The following SLC35A3 variants were observed in gnomAD, a reference collection of about 807,000 sequenced individuals.
SLC35A3 encodes solute carrier family 35 member A3.
In SLC35A3, 26 loss-of-function variants were observed where a neutral mutation model predicts 39.0. The observed-to-expected ratio is 0.67, with a 90% CI of 0.49 to 0.92. SLC35A3 has a LOEUF of 0.92. Among genes scored for constraint, SLC35A3 ranks in the 40% least tolerant of loss-of-function variants. The pLI, the probability that SLC35A3 is intolerant of heterozygous loss-of-function variation, is 0.00. For missense variants in SLC35A3, 299 were observed against 371.6 expected, an observed-to-expected ratio of 0.80 and a Z score of 1.61; for synonymous variants, 135 against 133.1, an observed-to-expected ratio of 1.01 and a Z score of -0.10.
chr1:99,999,770 C>G (rs1403721077), intron 3 of SLC35A3, among the ~76,000 whole-genome samples: 1 of 151,818 alleles, frequency 6.6e-6, no homozygotes, highest in African/African-American at 2.4e-5. Flanking sequence ...CCTCTGGTAG[C>G]TATCATTCTG....
chr1:99,986,099 G>A (rs921996489), intron 1 of SLC35A3, among the ~76,000 whole-genome samples: 1 of 151,146 alleles, frequency 6.6e-6, no homozygotes, highest in Non-Finnish European at 1.5e-5. Flanking sequence ...AGGCAGAATA[G>A]TAAATTAAAT....
In SLC35A3 at chr1:99,987,467, G is replaced by A. The variant is rs570995921; in HGVS notation, c.-18-6070G>A. On this transcript the variant is annotated intron_variant, in intron 1 of 7. Transcript: ENST00000533028. ...TATGTATATTTAATAGTGAGTATACGTATTTTACCATTAAAAATTTTATCC... is the reference window on the plus strand; with the variant it reads ...TATGTATATTTAATAGTGAGTATACATATTTTACCATTAAAAATTTTATCC... Among the ~76,000 whole-genome samples, 31 of 152,044 alleles carry A rather than the reference G, an allele frequency of 2.0e-4. No homozygotes were observed. The South Asian group carries it at 3.9e-3, about 19-fold the overall frequency.
intron 1 of SLC35A3, among the ~76,000 whole-genome samples, chr1:99,983,464 G>A (rs141635965): frequency 0.07 from 10,627 of 151,170 alleles, 403 homozygotes; most frequent in South Asian, 0.12. Flanking sequence ...TCTTGAAACC[G>A]GGAGGCAGAG....
chr1:99,986,910 T>C (rs981012461), intron 1 of SLC35A3, among the ~76,000 whole-genome samples: 2 of 152,206 alleles, frequency 1.3e-5, no homozygotes, highest in Admixed American at 6.5e-5. Context: ...TGAAAAGAAG[T>C]TAGAGCATTG....
rs1332867445 is a variant in SLC35A3, at chr1:100,033,682, T to A, written c.*11206T>A. ...TTTGACACCTTTAAATGATGTTCTT[T>A]GACTCTTATCTAATTGTCTATGTGA... On this transcript the variant is annotated 3_prime_UTR_variant, in exon 8 of 8. Transcript: ENST00000533028. 6.6e-6 allele frequency: 1 copy of A among 152,212 alleles called. No individual in the cohort carries two copies. Among genetic ancestry groups the A allele is most frequent in the Admixed American group, 6.5e-5 (1 of 15,288 alleles). The allele number at this position is 152,212 out of a possible 1,614,324, so 9.4% of individuals were successfully genotyped here.
chr1:99,988,779 T>C (rs959905981), intron 1 of SLC35A3, among the ~76,000 whole-genome samples: 2 of 151,818 alleles, frequency 1.3e-5, no homozygotes, highest in African/African-American at 2.4e-5. Context: ...CTATACTCTT[T>C]TTATTTGAGA....
chr1:100,022,002 A>G (rs773532863), intron 7 of SLC35A3, among the ~76,000 whole-genome samples: 17 of 152,264 alleles, frequency 1.1e-4, no homozygotes, highest in Non-Finnish European at 2.4e-4. Context: ...GGTGAAATAC[A>G]GAACTTAAAA....
At chr1:99,993,823 C>A in intron 2 of SLC35A3, 82 bp downstream of exon 2, 1 of 1,235,368 alleles carries the variant, frequency 8.1e-7, no homozygotes, top group Non-Finnish European at 1.2e-6. Flanking sequence ...CATTTGCACT[C>A]TTGCATTGTC....
chr1:100,032,454 A>T lies in SLC35A3; in HGVS notation c.*9978A>T, dbSNP rs1258465721. On this transcript the variant is annotated 3_prime_UTR_variant, in exon 8 of 8. Transcript: ENST00000533028. ...ACCATGTCTTCATGAATTTAAAAAAAATTACTCAATATATTATAGCCAATC... is the reference window on the plus strand; with the variant it reads ...ACCATGTCTTCATGAATTTAAAAAATATTACTCAATATATTATAGCCAATC... 6.6e-6 allele frequency: 1 copy of T among 152,204 alleles called. No homozygotes were observed. Among genetic ancestry groups the T allele is most frequent in the Non-Finnish European group, 1.5e-5 (1 of 68,034 alleles). The allele number at this position is 152,204 out of a possible 1,614,324, so 9.4% of individuals were successfully genotyped here. A position where few individuals can be genotyped will look rare whatever the true frequency, so the allele number is the denominator to read the frequency against.
rs1660803527 is a variant in SLC35A3, at chr1:100,024,720, G to A, written c.*2244G>A. The A allele has an allele frequency of 7.6e-6, 3 of 394,744 alleles. No homozygotes were observed. The Admixed American group carries it at 1.3e-4, about 18-fold the overall frequency. The allele number at this position is 394,744 out of a possible 1,614,324, so 24.5% of individuals were successfully genotyped here. A position where few individuals can be genotyped will look rare whatever the true frequency, so the allele number is the denominator to read the frequency against. On this transcript the variant is annotated 3_prime_UTR_variant, in exon 8 of 8. Transcript: ENST00000533028. ...TGCAACCTCCCACTCCCTGGTTCAA[G>A]GGATTCTCCTGCCTCAGCCTCTGAG...
At chr1:99,986,454 A>G (rs1255498191) in intron 1 of SLC35A3, among the ~76,000 whole-genome samples, 1 of 152,068 alleles carries the variant, frequency 6.6e-6, no homozygotes, top group East Asian at 1.9e-4. Context: ...ACTTTTAAAA[A>G]CATACATTAT....
intron 2 of SLC35A3, 45 bp from the exon 3 acceptor site, chr1:99,999,216 A>T (rs1658602384): frequency 2.4e-6 from 3 of 1,270,014 alleles, no homozygotes; most frequent in East Asian, 5.1e-5. Flanking sequence ...TATGTAACTT[A>T]TTCAGAGTTA....
At position 100,029,067 on chromosome 1, in the gene SLC35A3, G is replaced by A. The variant is rs991255070; in HGVS notation, c.*6591G>A. 4 of 152,170 alleles carry A rather than the reference G, an allele frequency of 2.6e-5. No individual in the cohort carries two copies. The highest frequency in any genetic ancestry group is 9.7e-5 in the African/African-American group (4 of 41,440). The allele number at this position is 152,170 out of a possible 1,614,324, so 9.4% of individuals were successfully genotyped here. ...TTCAGGGAAGCTCACCTAAGCTTTG[G>A]TGTCCAGATTTTTATTGAGAGAGGC... On this transcript the variant is annotated 3_prime_UTR_variant, in exon 8 of 8. Coordinates refer to ENST00000533028, the MANE Select transcript of SLC35A3 (RefSeq NM_012243.3).
In SLC35A3 at chr1:100,027,122, T is replaced by A; in HGVS notation, c.*4646T>A. ...GTATCTCTATCACTGTCACATGTGATCTTTCTTCCTTTTCTCTAGCCCATA... is the reference window on the plus strand; with the variant it reads ...GTATCTCTATCACTGTCACATGTGAACTTTCTTCCTTTTCTCTAGCCCATA... On this transcript the variant is annotated 3_prime_UTR_variant, in exon 8 of 8. Coordinates refer to ENST00000533028, the MANE Select transcript of SLC35A3 (RefSeq NM_012243.3). 2.5e-6 allele frequency: 1 copy of A among 398,588 alleles called. No homozygotes were observed. The highest frequency in any genetic ancestry group is 4.4e-6 in the Non-Finnish European group (1 of 226,050). The allele number at this position is 398,588 out of a possible 1,614,324, so 24.7% of individuals were successfully genotyped here.
At chr1:99,971,346 G>A (rs1367927143) in intron 1 of SLC35A3, among the ~76,000 whole-genome samples, 3 of 149,802 alleles carry the variant, frequency 2.0e-5, no homozygotes, top group South Asian at 2.1e-4. Context: ...TCGCTCTGTC[G>A]CCCAGGCTGG....
intron 1 of SLC35A3, among the ~76,000 whole-genome samples, chr1:99,991,515 T>C (rs1658082727): frequency 6.6e-6 from 1 of 152,240 alleles, no homozygotes; most frequent in Non-Finnish European, 1.5e-5. Context: ...ATTTTGTTTT[T>C]CTTTTTCAAA....
chr1:99,976,004 G>A (rs1657085315), intron 1 of SLC35A3, among the ~76,000 whole-genome samples: 1 of 152,042 alleles, frequency 6.6e-6, no homozygotes, highest in South Asian at 2.1e-4. Context: ...AGGCTGCAGC[G>A]AGCCGTGATC....
intron 4 of SLC35A3, 77 bp from the exon 5 acceptor site, chr1:100,011,288 C>A: frequency 1.5e-6 from 1 of 677,900 alleles, no homozygotes; most frequent in South Asian, 3.7e-5. Flanking sequence ...AAGTTATGGT[C>A]TAAGAGTGGG....
intron 1 of SLC35A3, among the ~76,000 whole-genome samples, chr1:99,972,561 T>C (rs1343647378): frequency 6.6e-6 from 1 of 151,962 alleles, no homozygotes; most frequent in Non-Finnish European, 1.5e-5. Flanking sequence ...GGTTTTGAAC[T>C]CCTGGCCTCA....
Sources: allele counts gnomAD v4.1 joint callset (sites outside exome capture counted in the v4.1 genomes callset), GRCh38; gene constraint gnomAD v4.1.1; transcripts MANE v1.5; gene names NCBI Gene and HGNC (gene_info 2026-07-23, HGNC 2026-07-21).